Variants in GNAS-AS1 observed in about 807,000 individuals in gnomAD.
The protein encoded by GNAS-AS1 is GNAS antisense RNA 1 (non-protein coding).
chr20:58,832,861 T>C (rs2085576243), intron 4 of GNAS-AS1, among the ~76,000 whole-genome samples: 2 of 152,256 alleles, frequency 1.3e-5, no homozygotes, highest in Non-Finnish European at 2.9e-5. Flanking sequence ...CCAAGGTTCA[T>C]CTCAATCCCC....
intron 2 of GNAS-AS1, among the ~76,000 whole-genome samples, chr20:58,845,292 T>G (rs1426026412): frequency 6.6e-6 from 1 of 152,242 alleles, no homozygotes; most frequent in Non-Finnish European, 1.5e-5. Flanking sequence ...CTACAGCTAT[T>G]TGAGATAAAC....
At chr20:58,838,042 C>T (rs2085619432) in intron 4 of GNAS-AS1, among the ~76,000 whole-genome samples, 1 of 152,184 alleles carries the variant, frequency 6.6e-6, no homozygotes, top group African/African-American at 2.4e-5. Flanking sequence ...TAAGATTCCC[C>T]ATACTGACTC....
intron 4 of GNAS-AS1, among the ~76,000 whole-genome samples, chr20:58,820,935 CAT>C (rs969688265): frequency 6.6e-5 from 10 of 152,198 alleles, no homozygotes; most frequent in Non-Finnish European, 1.2e-4. Flanking sequence ...AGAGCCAAAC[CAT>C]ATCAGATCCC....
At chr20:58,832,462 T>C (rs965943098) in intron 4 of GNAS-AS1, among the ~76,000 whole-genome samples, 6 of 152,328 alleles carry the variant, frequency 3.9e-5, no homozygotes, top group African/African-American at 1.4e-4. Context: ...AAATGGTTCT[T>C]AAATTCATAT....
At chr20:58,847,988 G>A (rs1300823618) in intron 2 of GNAS-AS1, among the ~76,000 whole-genome samples, 1 of 152,210 alleles carries the variant, frequency 6.6e-6, no homozygotes, top group Non-Finnish European at 1.5e-5. Context: ...TCCAAGGAAC[G>A]GGGCTGTAAT....
intron 4 of GNAS-AS1, among the ~76,000 whole-genome samples, chr20:58,830,362 CCACCACAACACCAT>C (rs915114352): frequency 1.4e-5 from 2 of 143,714 alleles, no homozygotes; most frequent in African/African-American, 2.6e-5. Flanking sequence ...ACCATCACCA[CCACCACAACACCAT>C]CACCACAATC....
Position 58,835,043 on chromosome 20 carries a change from A to G in GNAS-AS1, n.819+6894T>C, listed in dbSNP as rs73306238. On this transcript the variant is annotated intron_variant and non_coding_transcript_variant, in intron 4 of 4. Coordinates refer to ENST00000424094, the Ensembl canonical transcript of GNAS-AS1. ...GAATAGCAGCAAAATAGCACCCTAG[A>G]GAGCTGAGCCAAATGCTTCTGCATT... Among the ~76,000 whole-genome samples, 1,041 of 151,960 alleles carry G rather than the reference A, an allele frequency of 6.9e-3. 12 individuals are homozygous for G. Among genetic ancestry groups the G allele is most frequent in the African/African-American group, 0.024 (1,003 of 41,446 alleles).
chr20:58,841,578 G>C lies in GNAS-AS1; in HGVS notation n.819+359C>G. On this transcript the variant is annotated intron_variant and non_coding_transcript_variant, in intron 4 of 4. Transcript: ENST00000424094. This position sits in a 1 kb window ranked among gnomAD's most constrained non-coding sequence, Gnocchi z 5.0. ...CCACAGCCCGCCTCCCGTCGCTCGCGGGACAGAGACCGCCTCAAAGAGCGT... is the reference window on the plus strand; with the variant it reads ...CCACAGCCCGCCTCCCGTCGCTCGCCGGACAGAGACCGCCTCAAAGAGCGT... 1 of 1,007,842 alleles carries C rather than the reference G, an allele frequency of 9.9e-7. No individual in the cohort carries two copies. Among genetic ancestry groups the C allele is most frequent in the Non-Finnish European group, 1.2e-6 (1 of 845,228 alleles). The allele number at this position is 1,007,842 out of a possible 1,614,324, so 62.4% of individuals were successfully genotyped here. A position where few individuals can be genotyped will look rare whatever the true frequency, so the allele number is the denominator to read the frequency against.
At position 58,840,790 on chromosome 20, in the gene GNAS-AS1, C is replaced by T; in HGVS notation, n.819+1147G>A. 1 of 1,611,928 alleles carries T rather than the reference C, an allele frequency of 6.2e-7. No homozygotes were observed. Among genetic ancestry groups the T allele is most frequent in the Non-Finnish European group, 8.5e-7 (1 of 1,179,942 alleles). On this transcript the variant is annotated intron_variant and non_coding_transcript_variant, in intron 4 of 4. Coordinates refer to ENST00000424094, the Ensembl canonical transcript of GNAS-AS1. This position sits in a 1 kb window ranked among gnomAD's most constrained non-coding sequence, Gnocchi z 6.0. The stretch of plus-strand genomic sequence containing the variant: ...AGCCAAAGAAGCCCACCCGCCGTGA[C>T]GCGTCCCCGGAGTCCCCTTCCAAAA...
At chr20:58,823,580 T>C (rs1336473988) in intron 4 of GNAS-AS1, among the ~76,000 whole-genome samples, 3 of 152,186 alleles carry the variant, frequency 2.0e-5, no homozygotes, top group Non-Finnish European at 4.4e-5. Context: ...ATTAATACAG[T>C]GCAAAGAGGC....
chr20:58,839,999 TCTCAC>T (rs1231905817), intron 4 of GNAS-AS1: 2 of 1,274,664 alleles, frequency 1.6e-6, no homozygotes, highest in African/African-American at 2.9e-5. Flanking sequence ...CGGGCCAGCT[TCTCAC>T]CTCATAGGGT....
chr20:58,832,558 T>C (rs1475701947), intron 4 of GNAS-AS1, among the ~76,000 whole-genome samples: 1 of 152,096 alleles, frequency 6.6e-6, no homozygotes, highest in Non-Finnish European at 1.5e-5. Flanking sequence ...TAAACTACAG[T>C]CTAAAATCAT....
At chr20:58,843,120 C>G (rs1170480918) in intron 2 of GNAS-AS1, among the ~76,000 whole-genome samples, 1 of 152,084 alleles carries the variant, frequency 6.6e-6, no homozygotes, top group Non-Finnish European at 1.5e-5. Context: ...CACAAACTGC[C>G]TCGCCATCTG....
exon 4 of GNAS-AS1, chr20:58,842,140 T>C: frequency 2.5e-6 from 1 of 399,006 alleles, no homozygotes; most frequent in African/African-American, 2.1e-5. Context: ...GGGAATCTGC[T>C]CTGATGACCC....
exon 4 of GNAS-AS1, chr20:58,842,130 G>A (rs562359997): frequency 3.3e-5 from 13 of 399,278 alleles, no homozygotes; most frequent in South Asian, 1.3e-4. Flanking sequence ...TAACCTGGAG[G>A]GGAATCTGCT....
At chr20:58,835,964 A>G (rs1288177607) in intron 4 of GNAS-AS1, among the ~76,000 whole-genome samples, 1 of 152,046 alleles carries the variant, frequency 6.6e-6, no homozygotes, top group African/African-American at 2.4e-5. Context: ...CGCTGGGTCC[A>G]TTGCACACAT....
intron 4 of GNAS-AS1, among the ~76,000 whole-genome samples, chr20:58,828,688 A>G (rs768081923): frequency 2.6e-5 from 4 of 152,192 alleles, no homozygotes; most frequent in Non-Finnish European, 2.9e-5. Flanking sequence ...TTCTGCTTCT[A>G]TGACAGCCTT....
chr20:58,829,583 G>T (rs1023904223), intron 4 of GNAS-AS1, among the ~76,000 whole-genome samples: 1 of 152,202 alleles, frequency 6.6e-6, no homozygotes, highest in African/African-American at 2.4e-5. Flanking sequence ...TTCCGCCAGA[G>T]AGCTGGCAAA....
chr20:58,840,232 C>T lies in GNAS-AS1; in HGVS notation n.819+1705G>A, dbSNP rs370175837. On this transcript the variant is annotated intron_variant and non_coding_transcript_variant, in intron 4 of 4. Coordinates refer to ENST00000424094, the Ensembl canonical transcript of GNAS-AS1. The surrounding 1 kb of genome is among the most constrained non-coding windows in gnomAD (Gnocchi z 6.0). The stretch of plus-strand genomic sequence containing the variant: ...GGCTCTCCTGCTCCATCGCGCTCCT[C>T]CGCGCCCTTGCCACCTCCAACGCCC... 2.7e-5 allele frequency: 43 copies of T among 1,611,010 alleles called. No individual in the cohort carries two copies. Among genetic ancestry groups the T allele is most frequent in the Non-Finnish European group, 3.5e-5 (41 of 1,179,826 alleles).
Sources: allele counts gnomAD v4.1 joint callset (sites outside exome capture counted in the v4.1 genomes callset), GRCh38; gene constraint gnomAD v4.1.1; non-coding constraint Gnocchi (gnomAD v3.1); transcripts MANE v1.5; gene names NCBI Gene and HGNC (gene_info 2026-07-23, HGNC 2026-07-21).